STPG2: variants seen among roughly 807,000 people sequenced by gnomAD.
STPG2 encodes sperm tail PG-rich repeat containing 2, also known as sperm-tail PG-rich repeat-containing protein 2.
Under a neutral mutation model 54.2 loss-of-function variants are expected in STPG2, and 56 were observed. That is an observed-to-expected ratio of 1.03 (90% confidence interval 0.83 to 1.29). The LOEUF (loss-of-function observed/expected upper bound fraction) is 1.29, where lower values mean the gene tolerates loss of function less well. Among genes scored for constraint, STPG2 ranks in the 50% most tolerant of loss-of-function variants. The pLI is 0.00. For synonymous variants in STPG2, 200 were observed against 181.8 expected (o/e 1.10, Z -0.81); for missense variants, 596 against 544.9 (o/e 1.09, Z -0.93).
intron 4 of STPG2, among the ~76,000 whole-genome samples, chr4:97,547,618 C>T (rs1429003193): frequency 6.6e-6 from 1 of 152,104 alleles, no homozygotes; most frequent in African/African-American, 2.4e-5. Flanking sequence ...CGGAGAAAGA[C>T]TGAAGGCTGC....
At chr4:97,829,553 A>G (rs111377576) in intron 9 of STPG2, among the ~76,000 whole-genome samples, 2,760 of 152,262 alleles carry the variant, frequency 0.018, 75 homozygotes, top group African/African-American at 0.063. Context: ...ACACTTCAGA[A>G]GGTGGGTAAT....
intron 2 of STPG2, among the ~76,000 whole-genome samples, chr4:98,131,948 A>G (rs1239739795): frequency 6.6e-6 from 1 of 152,070 alleles, no homozygotes. Flanking sequence ...GTCCACCTTT[A>G]AATTCCTATG....
chr4:97,638,676 T>C (rs1578445281), intron 10 of STPG2, among the ~76,000 whole-genome samples: 1 of 141,896 alleles, frequency 7.0e-6, no homozygotes, highest in Admixed American at 6.9e-5. Context: ...CATCAAAAAG[T>C]GGGCGAAGGA....
chr4:97,521,762 A>G (rs1731184454), intron 4 of STPG2, among the ~76,000 whole-genome samples: 1 of 151,956 alleles, frequency 6.6e-6, no homozygotes, highest in African/African-American at 2.4e-5. Flanking sequence ...CACTTTAAAG[A>G]AAAATATCTT....
chr4:98,006,243 T>C (rs530693065), intron 5 of STPG2, among the ~76,000 whole-genome samples: 1 of 152,148 alleles, frequency 6.6e-6, no homozygotes, highest in South Asian at 2.1e-4. Context: ...GGCTGAGAAC[T>C]GTGAGTAAAG....
At chr4:97,892,764 T>C (rs1026944601) in intron 8 of STPG2, among the ~76,000 whole-genome samples, 2 of 152,174 alleles carry the variant, frequency 1.3e-5, no homozygotes, top group African/African-American at 4.8e-5. Context: ...CAGTATTTTA[T>C]GCATATGTAT....
intron 4 of STPG2, among the ~76,000 whole-genome samples, chr4:97,533,222 A>T (rs1031715331): frequency 1.3e-5 from 2 of 152,176 alleles, no homozygotes; most frequent in African/African-American, 4.8e-5. Flanking sequence ...ATATAATTAC[A>T]TAAAGAGTCA....
At chr4:97,751,718 G>T (rs1725585821) in intron 9 of STPG2, among the ~76,000 whole-genome samples, 1 of 151,678 alleles carries the variant, frequency 6.6e-6, no homozygotes, top group Non-Finnish European at 1.5e-5. Flanking sequence ...GGATTTATGA[G>T]AATCAATTTG....
chr4:97,903,172 T>C (rs1054970794), intron 8 of STPG2, among the ~76,000 whole-genome samples: 3 of 152,154 alleles, frequency 2.0e-5, no homozygotes, highest in African/African-American at 7.2e-5. Context: ...TAACAGTGTA[T>C]TGTATACTTG....
At chr4:97,523,230 T>C (rs1262666723) in intron 4 of STPG2, among the ~76,000 whole-genome samples, 1 of 151,838 alleles carries the variant, frequency 6.6e-6, no homozygotes, top group Non-Finnish European at 1.5e-5. Flanking sequence ...TTTAGGAGCT[T>C]TGATATCAGA....
rs187379350 is a variant in STPG2 at position 97,755,654 on chromosome 4, T to A, written c.1205-42840A>T. On this transcript the variant is annotated intron_variant, in intron 9 of 10. Coordinates refer to ENST00000295268, the MANE Select transcript of STPG2 (RefSeq NM_174952.3). ...TGTGTGCATACCCAAATTTGACCAATACTTTCTTAAAGAAATGAGCTAAAC... is the reference window on the plus strand; with the variant it reads ...TGTGTGCATACCCAAATTTGACCAAAACTTTCTTAAAGAAATGAGCTAAAC... Among the ~76,000 whole-genome samples, 643 of 152,324 alleles carry A rather than the reference T, an allele frequency of 4.2e-3. 3 individuals carry two copies. Among genetic ancestry groups the A allele is most frequent in the South Asian group, 0.024 (117 of 4,830 alleles).
chr4:97,856,687 C>T (rs1340807975), intron 8 of STPG2, among the ~76,000 whole-genome samples: 3 of 152,138 alleles, frequency 2.0e-5, no homozygotes. Context: ...CCGGAATTTC[C>T]AATACCATGT....
intron 5 of STPG2, among the ~76,000 whole-genome samples, chr4:98,104,908 G>C (rs1739145222): frequency 6.6e-6 from 1 of 152,136 alleles, no homozygotes; most frequent in Non-Finnish European, 1.5e-5. Context: ...AAGATATCTA[G>C]TATTACCATT....
At chr4:97,865,750 A>ATAACTCCT (rs777954989) in intron 8 of STPG2, among the ~76,000 whole-genome samples, 107 of 152,140 alleles carry the variant, frequency 7.0e-4, no homozygotes, top group Non-Finnish European at 1.4e-3. Flanking sequence ...TACCTAATGT[A>ATAACTCCT]AATGAGGAGT....
At chr4:97,924,897 C>T (rs1453736858) in intron 8 of STPG2, among the ~76,000 whole-genome samples, 6 of 152,100 alleles carry the variant, frequency 3.9e-5, no homozygotes, top group Non-Finnish European at 1.5e-5. Flanking sequence ...CAAACAATGA[C>T]TTGTTGATAC....
intron 10 of STPG2, among the ~76,000 whole-genome samples, chr4:97,636,766 C>T (rs1162397105): frequency 6.6e-6 from 1 of 152,198 alleles, no homozygotes; most frequent in Non-Finnish European, 1.5e-5. Context: ...TTCCTTGATA[C>T]ATACACTCTC....
intron 5 of STPG2, among the ~76,000 whole-genome samples, chr4:98,066,228 G>C (rs1038309048): frequency 1.3e-5 from 2 of 152,124 alleles, no homozygotes; most frequent in African/African-American, 2.4e-5. Context: ...GGAAAATTCA[G>C]TATGGGATAT....
chr4:97,594,886 A>T (rs558246381), intron 10 of STPG2, among the ~76,000 whole-genome samples: 109 of 152,334 alleles, frequency 7.2e-4, no homozygotes, highest in African/African-American at 2.4e-3. Context: ...AATGCAAATC[A>T]AAACCACAAG....
intron 10 of STPG2, 85 bp from the exon 11 acceptor site, chr4:97,559,202 G>A (rs1732158909): frequency 3.6e-6 from 3 of 843,170 alleles, no homozygotes; most frequent in Non-Finnish European, 3.8e-6. Flanking sequence ...CATTACCAAA[G>A]AATAACGATT....
Sources: allele counts gnomAD v4.1 joint callset (sites outside exome capture counted in the v4.1 genomes callset), GRCh38; gene constraint gnomAD v4.1.1; transcripts MANE v1.5; gene names NCBI Gene and HGNC (gene_info 2026-07-23, HGNC 2026-07-21).